The following GOLGB1 variants were observed in gnomAD, a reference collection of about 807,000 sequenced individuals.
GOLGB1 encodes golgin B1.
GOLGB1 carries 174 observed loss-of-function variants against 336.9 expected under a neutral mutation model. That is an observed-to-expected ratio of 0.52 (90% CI 0.46 to 0.59). GOLGB1 has a LOEUF of 0.59. Ranked by LOEUF, GOLGB1 falls within the 20% of genes least tolerant of loss-of-function variation. GOLGB1 has a pLI of 0.00. For missense variants in GOLGB1, 3,331 were observed against 3,645.3 expected, an observed-to-expected ratio of 0.91 and a Z score of 2.22; for synonymous variants, 1,208 against 1,289.2, an observed-to-expected ratio of 0.94 and a Z score of 1.35.
In GOLGB1 at chr3:121,695,303, A is replaced by G; in HGVS notation, c.5220T>C (p.Tyr1740=). ...ACTGAAACTTCTTAGAAAGGGTTTC[A>G]TACTCCATTTTGACCCTTTCAAGTT... ...KEELERVKME[Y]ETLSKKFQSL... The change falls in exon 13 of 22, where the codon TAT becomes TAC. Residue 1740 remains tyrosine (Y), a synonymous_variant. Coordinates refer to ENST00000614479, the MANE Select transcript of GOLGB1 (RefSeq NM_001366282.2). 1.2e-6 allele frequency: 2 copies of G among 1,613,986 alleles called. No individual in the cohort carries two copies. Among genetic ancestry groups the G allele is most frequent in the Non-Finnish European group, 1.7e-6 (2 of 1,179,968 alleles).
intron 17 of GOLGB1, among the ~76,000 whole-genome samples, chr3:121,671,017 T>A (rs1242478861): frequency 1.3e-5 from 2 of 152,212 alleles, no homozygotes; most frequent in South Asian, 4.1e-4. Flanking sequence ...GCTGCCCTTT[T>A]ATCATAAATA....
chr3:121,705,764 CCCTA>C (rs1405471549), intron 10 of GOLGB1, among the ~76,000 whole-genome samples: 1 of 152,158 alleles, frequency 6.6e-6, no homozygotes, highest in African/African-American at 2.4e-5. Flanking sequence ...TCTGAACTAC[CCCTA>C]CCTATCTGAA....
chr3:121,678,645 G>C (rs144397428), intron 15 of GOLGB1, among the ~76,000 whole-genome samples: 5 of 151,550 alleles, frequency 3.3e-5, no homozygotes, highest in African/African-American at 1.2e-4. Context: ...TTGGCTCACT[G>C]CAACCTCCAC....
chr3:121,670,734 G>A (rs1939397812), intron 17 of GOLGB1, among the ~76,000 whole-genome samples: 1 of 113,548 alleles, frequency 8.8e-6, no homozygotes, highest in Admixed American at 1.0e-4. Context: ...GGAAAGCTAA[G>A]AAAATCATAG....
At position 121,747,175 on chromosome 3, in the gene GOLGB1, TATATATATATATATATATGG is replaced by T. The variant is rs1272024014; in HGVS notation, c.-3+2437_-3+2456del. Among the ~76,000 whole-genome samples, 270 of 131,922 alleles carry T rather than the reference TATATATATATATATATATGG, an allele frequency of 2.0e-3. 4 individuals are homozygous for T. Among genetic ancestry groups the T allele is most frequent in the African/African-American group, 7.3e-3 (252 of 34,746 alleles). 86.5% of individuals were successfully genotyped at this position (131,922 alleles called of 152,430 possible). ...TTATATATATATATATATATATATA[TATATATATATATATATATGG>T]ATGTTACATAACAAAACATGTTATG... On this transcript the variant is annotated intron_variant, in intron 1 of 21. Coordinates refer to ENST00000614479, the MANE Select transcript of GOLGB1 (RefSeq NM_001366282.2).
At position 121,667,502 on chromosome 3, in the gene GOLGB1, G is replaced by A. The variant is rs769719098; in HGVS notation, c.9528C>T (p.Leu3176=). 15 of 1,613,946 alleles carry A rather than the reference G, an allele frequency of 9.3e-6. No homozygotes were observed. In the East Asian group the frequency reaches 2.2e-4, roughly 24 times the overall value. Reference sequence around the variant, plus strand: ...GTCTGATCTGCTCCTCGGCCACAGAGAGAGCATTCTCAGCAGCCACTCTTT... The same window carrying A: ...GTCTGATCTGCTCCTCGGCCACAGAAAGAGCATTCTCAGCAGCCACTCTTT... ...RDQRVAAENA[L]SVAEEQIRRL... is the part of the protein sequence containing the mutation. The change falls in exon 20 of 22, where the codon CTC becomes CTT. Residue 3176 remains leucine, a synonymous_variant. Transcript: ENST00000614479.
intron 5 of GOLGB1, among the ~76,000 whole-genome samples, chr3:121,724,275 C>T (rs995194013): frequency 6.6e-6 from 1 of 152,068 alleles, no homozygotes; most frequent in African/African-American, 2.4e-5. Context: ...GTTGTGACCA[C>T]AATGCTGATA....
intron 10 of GOLGB1, among the ~76,000 whole-genome samples, chr3:121,706,122 A>G (rs1317493074): frequency 6.6e-6 from 1 of 151,666 alleles, no homozygotes; most frequent in African/African-American, 2.4e-5. Flanking sequence ...TGGGCAACAG[A>G]GCAAGACTCC....
intron 10 of GOLGB1, among the ~76,000 whole-genome samples, chr3:121,705,856 CT>C (rs1344739130): frequency 2.6e-5 from 4 of 152,206 alleles, no homozygotes; most frequent in Non-Finnish European, 4.4e-5. Context: ...AAAAACACTT[CT>C]CAGGGCATTG....
chr3:121,685,585 TAC>T (rs1335790271), intron 14 of GOLGB1, among the ~76,000 whole-genome samples: 1 of 151,504 alleles, frequency 6.6e-6, no homozygotes, highest in African/African-American at 2.4e-5. Flanking sequence ...AAAAAGTGCA[TAC>T]ACTAACAGGG....
intron 10 of GOLGB1, among the ~76,000 whole-genome samples, chr3:121,713,798 T>C (rs147326867): frequency 1.0e-3 from 152 of 152,248 alleles, no homozygotes; most frequent in Non-Finnish European, 1.7e-3. Flanking sequence ...AGAACAATTA[T>C]AAATAAATAT....
Position 121,664,513 on chromosome 3 carries a change from G to A in GOLGB1, c.9762C>T (p.Val3254=). The change falls in exon 22 of 22, where the codon GTC becomes GTT. Residue 3254 remains valine, a synonymous_variant. Coordinates refer to ENST00000614479, the MANE Select transcript of GOLGB1 (RefSeq NM_001366282.2). ...LAAIYFLMIH[V]LLILCFTGHL is the part of the protein sequence containing the mutation. The stretch of plus-strand genomic sequence containing the variant: ...GGCCCGTAAAACACAGAATGAGCAG[G>A]ACATGAATCATTAGAAAGTAGATGG... 6.2e-7 allele frequency: 1 copy of A among 1,613,644 alleles called. No homozygotes were observed. Among genetic ancestry groups the A allele is most frequent in the Non-Finnish European group, 8.5e-7 (1 of 1,179,574 alleles).
chr3:121,747,330 C>CGTATATATGTATATATATGT (rs1947405034), intron 1 of GOLGB1, among the ~76,000 whole-genome samples: 1 of 134,866 alleles, frequency 7.4e-6, no homozygotes, highest in Non-Finnish European at 1.6e-5. Context: ...TGTGTATATA[C>CGTATATATGTATATATATGT]GTATATATGT....
At chr3:121,717,528 T>A (rs184194431) in intron 8 of GOLGB1, among the ~76,000 whole-genome samples, 2 of 152,274 alleles carry the variant, frequency 1.3e-5, no homozygotes, top group Non-Finnish European at 2.9e-5. Flanking sequence ...AGAAGCAAAG[T>A]GGAATTCAAT....
intron 17 of GOLGB1, among the ~76,000 whole-genome samples, chr3:121,675,925 GAA>G (rs1940314055): frequency 6.6e-6 from 1 of 152,112 alleles, no homozygotes. Context: ...TTAGTTGACG[GAA>G]AAAAGAGACA....
At chr3:121,736,868 C>T (rs994723756) in intron 1 of GOLGB1, among the ~76,000 whole-genome samples, 2 of 152,130 alleles carry the variant, frequency 1.3e-5, no homozygotes, top group Non-Finnish European at 2.9e-5. Flanking sequence ...CGCACCACTG[C>T]ACTCCAGCCT....
intron 20 of GOLGB1, among the ~76,000 whole-genome samples, chr3:121,665,447 C>G (rs1000441830): frequency 6.6e-6 from 1 of 152,178 alleles, no homozygotes; most frequent in African/African-American, 2.4e-5. Flanking sequence ...TTTTTTCCAC[C>G]ACACCACACC....
chr3:121,711,364 C>T (rs1437208488), intron 10 of GOLGB1, among the ~76,000 whole-genome samples: 1 of 151,862 alleles, frequency 6.6e-6, no homozygotes, highest in African/African-American at 2.4e-5. Context: ...AAAAATTCCT[C>T]TACAAGATTG....
chr3:121,696,330 T>C lies in GOLGB1; in HGVS notation c.4193A>G (p.Lys1398Arg), dbSNP rs1399116280. The C allele has an allele frequency of 6.2e-7, 1 of 1,614,150 alleles. No homozygotes were observed. Residue 1398 changes from lysine (K) to arginine (R), a missense_variant, in exon 13 of 22, where the codon AAA (lysine) becomes AGA (arginine). Physicochemically the swap from Lys to Arg is conservative, Grantham distance 26 (BLOSUM62 2). Coordinates refer to ENST00000614479, the MANE Select transcript of GOLGB1 (RefSeq NM_001366282.2). ...GLEHLRELQP[K>R]LDELQKLISK... is the part of the protein sequence containing the mutation. The stretch of plus-strand genomic sequence containing the variant: ...TATGAGTTTTTGCAGTTCATCCAGT[T>C]TAGGTTGCAATTCTCTTAGATGTTC...
Sources: gnomAD v4.1 joint callset for allele counts (sites outside exome capture counted in the v4.1 genomes callset) on GRCh38, gnomAD v4.1.1 for gene constraint, MANE v1.5 for transcripts, NCBI Gene and HGNC (gene_info 2026-07-23, HGNC 2026-07-21) for gene names.